Variants in KCNQ1OT1 observed in about 807,000 individuals in gnomAD.
KCNQ1OT1 encodes KCNQ1 antisense RNA 2 (non-protein coding).
chr11:2,653,570 T>G lies in KCNQ1OT1; in HGVS notation n.46425A>C. ...CCCCTTCTCCCTTCCCGTTCCCTCT[T>G]TTGTTCTCCCTTTCCCTTGCTCTCT... On this transcript the variant is annotated non_coding_transcript_exon_variant, in exon 1 of 1. Coordinates refer to ENST00000597346, the Ensembl canonical transcript of KCNQ1OT1. This position sits in a 1 kb window ranked among gnomAD's most constrained non-coding sequence, Gnocchi z 5.3. 5.0e-6 allele frequency: 2 copies of G among 398,798 alleles called. No homozygotes were observed. The highest frequency in any genetic ancestry group is 8.8e-6 in the Non-Finnish European group (2 of 226,148). The allele number at this position is 398,798 out of a possible 1,614,324, so 24.7% of individuals were successfully genotyped here.
exon 1 of KCNQ1OT1, chr11:2,672,143 C>T: frequency 5.0e-6 from 2 of 398,738 alleles, no homozygotes; most frequent in African/African-American, 2.1e-5. Context: ...CCTCTTTGGG[C>T]CTTTCAAAGT....
chr11:2,674,201 T>C lies in KCNQ1OT1; in HGVS notation n.25794A>G, dbSNP rs1590023390. On this transcript the variant is annotated non_coding_transcript_exon_variant, in exon 1 of 1. Transcript: ENST00000597346. The surrounding 1 kb of genome is among the most constrained non-coding windows in gnomAD (Gnocchi z 5.9). ...GTGTGGCTGGGGAGAGCACAGCCAGTTGTGGGTTTTTCTTGGGGCCCAGAT... is the reference window on the plus strand; with the variant it reads ...GTGTGGCTGGGGAGAGCACAGCCAGCTGTGGGTTTTTCTTGGGGCCCAGAT... 1 of 398,454 alleles carries C rather than the reference T, an allele frequency of 2.5e-6. No homozygotes were observed. Among genetic ancestry groups the C allele is most frequent in the Middle Eastern group, 6.3e-4 (1 of 1,590 alleles). The allele number at this position is 398,454 out of a possible 1,614,324, so 24.7% of individuals were successfully genotyped here.
In KCNQ1OT1 at chr11:2,617,586, G is replaced by A; in HGVS notation, n.82409C>T. 1.3e-5 allele frequency: 5 copies of A among 398,368 alleles called. No individual in the cohort carries two copies. The highest frequency in any genetic ancestry group is 4.4e-5 in the Admixed American group (1 of 22,706). 24.7% of individuals were successfully genotyped at this position (398,368 alleles called of 1,614,324 possible). On this transcript the variant is annotated non_coding_transcript_exon_variant, in exon 1 of 1. Coordinates refer to ENST00000597346, the Ensembl canonical transcript of KCNQ1OT1. The surrounding 1 kb of genome is among the most constrained non-coding windows in gnomAD (Gnocchi z 4.6). Reference sequence around the variant, plus strand: ...TTCTTTGGGAATATACCTAGAAGAGGGATTAGTGGGTCAGATGATAGTATA... The same window carrying A: ...TTCTTTGGGAATATACCTAGAAGAGAGATTAGTGGGTCAGATGATAGTATA...
chr11:2,666,740 A>G (rs929443624), exon 1 of KCNQ1OT1: 2 of 398,690 alleles, frequency 5.0e-6, no homozygotes, highest in South Asian at 2.5e-4. Context: ...ACCCCAGGGT[A>G]CCAGGCACTG....
In KCNQ1OT1 at chr11:2,652,373, G is replaced by A. The variant is rs769687265; in HGVS notation, n.47622C>T. The A allele has an allele frequency of 1.3e-4, 53 of 398,458 alleles. No homozygotes were observed. The highest frequency in any genetic ancestry group is 1.9e-4 in the Non-Finnish European group (43 of 226,068). 24.7% of individuals were successfully genotyped at this position (398,458 alleles called of 1,614,324 possible). Reference sequence around the variant, plus strand: ...ATGTTGTGATGAAGGTGAAAAGATCGCTCTTAATTAGATTAAAAACATTTT... The same window carrying A: ...ATGTTGTGATGAAGGTGAAAAGATCACTCTTAATTAGATTAAAAACATTTT... On this transcript the variant is annotated non_coding_transcript_exon_variant, in exon 1 of 1. Coordinates refer to ENST00000597346, the Ensembl canonical transcript of KCNQ1OT1. The surrounding 1 kb of genome is among the most constrained non-coding windows in gnomAD (Gnocchi z 5.9).
exon 1 of KCNQ1OT1, chr11:2,699,664 G>A (rs529598356): frequency 2.2e-5 from 8 of 358,584 alleles, no homozygotes; most frequent in Admixed American, 1.9e-4. Context: ...AAGAACCCCC[G>A]GGGAGAACCG....
exon 1 of KCNQ1OT1, chr11:2,650,849 G>A (rs1437807553): frequency 5.0e-6 from 2 of 398,604 alleles, no homozygotes; most frequent in Non-Finnish European, 4.4e-6. Flanking sequence ...TTTTAGGGGA[G>A]GATGAGTGAG....
At chr11:2,667,757 G>A in exon 1 of KCNQ1OT1, 1 of 398,738 alleles carries the variant, frequency 2.5e-6, no homozygotes, top group East Asian at 3.6e-5. Flanking sequence ...GCTGGGCCTA[G>A]CGGCCCTGAA....
In KCNQ1OT1 at chr11:2,691,726, G is replaced by A; in HGVS notation, n.8269C>T. On this transcript the variant is annotated non_coding_transcript_exon_variant, in exon 1 of 1. Coordinates refer to ENST00000597346, the Ensembl canonical transcript of KCNQ1OT1. This position sits in a 1 kb window ranked among gnomAD's most constrained non-coding sequence, Gnocchi z 6.4. ...GTCCAGGGGAGAGGCAGCCCACAGGGAGCCACACAGGCAGGGGACATTCCA... is the reference window on the plus strand; with the variant it reads ...GTCCAGGGGAGAGGCAGCCCACAGGAAGCCACACAGGCAGGGGACATTCCA... 1 of 398,600 alleles carries A rather than the reference G, an allele frequency of 2.5e-6. No individual in the cohort carries two copies. The highest frequency in any genetic ancestry group is 4.4e-6 in the Non-Finnish European group (1 of 226,122). The allele number at this position is 398,600 out of a possible 1,614,324, so 24.7% of individuals were successfully genotyped here.
chr11:2,687,707 G>T lies in KCNQ1OT1; in HGVS notation n.12288C>A. The T allele has an allele frequency of 2.5e-6, 1 of 398,736 alleles. No individual in the cohort carries two copies. Among genetic ancestry groups the T allele is most frequent in the Non-Finnish European group, 4.4e-6 (1 of 226,164 alleles). 24.7% of individuals were successfully genotyped at this position (398,736 alleles called of 1,614,324 possible). On this transcript the variant is annotated non_coding_transcript_exon_variant, in exon 1 of 1. Coordinates refer to ENST00000597346, the Ensembl canonical transcript of KCNQ1OT1. The surrounding 1 kb of genome is among the most constrained non-coding windows in gnomAD (Gnocchi z 5.0). ...AGGGTTCAGTGTTGGAATGGGTCTG[G>T]GCCCAGATTTCAAGCCAGTAACCAG... is the stretch of plus-strand genomic sequence containing the variant.
Position 2,677,720 on chromosome 11 carries a change from C to G in KCNQ1OT1, n.22275G>C, listed in dbSNP as rs958474177. On this transcript the variant is annotated non_coding_transcript_exon_variant, in exon 1 of 1. Transcript: ENST00000597346. This position sits in a 1 kb window ranked among gnomAD's most constrained non-coding sequence, Gnocchi z 4.5. ...AAATTAACTTCCCAATCAAATATCT[C>G]TATTGTAAAATTTTGGTCTCCGTTT... 2.5e-6 allele frequency: 1 copy of G among 398,392 alleles called. No homozygotes were observed. Among genetic ancestry groups the G allele is most frequent in the Non-Finnish European group, 4.4e-6 (1 of 226,032 alleles). 24.7% of individuals were successfully genotyped at this position (398,392 alleles called of 1,614,324 possible).
Position 2,659,223 on chromosome 11 carries a change from A to G in KCNQ1OT1, n.40772T>C, listed in dbSNP as rs1849906539. ...CCAGTATCATTCACAGAAGTTCCAT[A>G]CCCCTAAAAATACCCTGGGGTGAGT... On this transcript the variant is annotated non_coding_transcript_exon_variant, in exon 1 of 1. Coordinates refer to ENST00000597346, the Ensembl canonical transcript of KCNQ1OT1. This position sits in a 1 kb window ranked among gnomAD's most constrained non-coding sequence, Gnocchi z 4.3. 1 of 398,414 alleles carries G rather than the reference A, an allele frequency of 2.5e-6. No homozygotes were observed. The highest frequency in any genetic ancestry group is 1.3e-4 in the South Asian group (1 of 7,848). 24.7% of individuals were successfully genotyped at this position (398,414 alleles called of 1,614,324 possible).
chr11:2,650,773 TTC>T, exon 1 of KCNQ1OT1: 1 of 398,660 alleles, frequency 2.5e-6, no homozygotes, highest in South Asian at 1.3e-4. Flanking sequence ...TTTGAAGGTA[TTC>T]TTTCTCCTAA....
Position 2,626,475 on chromosome 11 carries a change from T to TAGAG in KCNQ1OT1, n.73519_73520insCTCT. 1 of 398,668 alleles carries TAGAG rather than the reference T, an allele frequency of 2.5e-6. No individual in the cohort carries two copies. Among genetic ancestry groups the TAGAG allele is most frequent in the East Asian group, 3.6e-5 (1 of 28,078 alleles). 24.7% of individuals were successfully genotyped at this position (398,668 alleles called of 1,614,324 possible). A position where few individuals can be genotyped will look rare whatever the true frequency, so the allele number is the denominator to read the frequency against. ...CTCTCTATTCAATTCCATTGGTCTC[T>TAGAG]ACATCTTTATGTCAATACCACATAG... is the stretch of plus-strand genomic sequence containing the variant. On this transcript the variant is annotated non_coding_transcript_exon_variant, in exon 1 of 1. Coordinates refer to ENST00000597346, the Ensembl canonical transcript of KCNQ1OT1. This position sits in a 1 kb window ranked among gnomAD's most constrained non-coding sequence, Gnocchi z 4.0.
exon 1 of KCNQ1OT1, chr11:2,625,859 G>A (rs149306964): frequency 2.3e-5 from 9 of 398,632 alleles, no homozygotes; most frequent in African/African-American, 1.6e-4. Flanking sequence ...GTGAGCCACC[G>A]TGCCTGGCCC....
At chr11:2,666,157 A>G in exon 1 of KCNQ1OT1, 1 of 398,686 alleles carries the variant, frequency 2.5e-6, no homozygotes, top group Non-Finnish European at 4.4e-6. Flanking sequence ...TAGATGGGCA[A>G]GCCCCAGCTC....
chr11:2,648,896 G>T (rs1404940043), exon 1 of KCNQ1OT1: 19 of 396,640 alleles, frequency 4.8e-5, no homozygotes, highest in Non-Finnish European at 7.1e-5. Flanking sequence ...AGTGTTGTTG[G>T]TTGCATATAT....
chr11:2,662,168 C>G, exon 1 of KCNQ1OT1: 1 of 1,578,908 alleles, frequency 6.3e-7, no homozygotes, highest in Non-Finnish European at 8.7e-7. Flanking sequence ...GCCTTGCTCT[C>G]TGGCCAGAGT....
At chr11:2,699,841 C>T (rs1850761897) in exon 1 of KCNQ1OT1, 3 of 395,998 alleles carry the variant, frequency 7.6e-6, no homozygotes, top group Admixed American at 4.4e-5. Context: ...AGGAGGACCG[C>T]GCTGAGGGGC....
Sources: gnomAD v4.1 joint callset for allele counts on GRCh38, gnomAD v4.1.1 for gene constraint, Gnocchi (gnomAD v3.1) non-coding constraint, MANE v1.5 for transcripts, NCBI Gene and HGNC (gene_info 2026-07-23, HGNC 2026-07-21) for gene names.